The following ASMTL variants were observed in gnomAD, a reference collection of about 807,000 sequenced individuals.
The protein encoded by ASMTL is probable bifunctional dTTP/UTP pyrophosphatase/methyltransferase protein.
ASMTL carries 57 observed loss-of-function variants against 60.3 expected under a neutral mutation model. The ratio of observed to expected loss-of-function variants is 0.95; its 90% CI spans 0.76 to 1.18. ASMTL has a LOEUF of 1.18. ASMTL is among the 50% of genes most tolerant of loss of function. The pLI is 0.00. For missense variants in ASMTL, 981 were observed against 852.6 expected (o/e 1.15, Z -1.88); for synonymous variants, 419 against 373.0 (o/e 1.12, Z -1.42).
At chrX:1,439,227 G>C (rs1378996481) in intron 2 of ASMTL, 83 bp from the exon 3 acceptor site, 2 of 1,460,018 alleles carry the variant, frequency 1.4e-6, no homozygotes, top group African/African-American at 2.8e-5. Flanking sequence ...GGGCGTGAAA[G>C]AGCACCGCAG....
chrX:1,428,778 G>GTA (rs1491126852), intron 6 of ASMTL, among the ~76,000 whole-genome samples: 1 of 146,538 alleles, frequency 6.8e-6, no homozygotes, highest in Non-Finnish European at 1.5e-5. Flanking sequence ...GTGTGTGTGT[G>GTA]GGGAGAAGAC....
At chrX:1,432,698 A>G (rs868380798) in intron 5 of ASMTL, among the ~76,000 whole-genome samples, 3 of 83,816 alleles carry the variant, frequency 3.6e-5, no homozygotes, top group African/African-American at 4.8e-5. Context: ...GCCTGGTAGT[A>G]GGTGCCTGTA....
In ASMTL at chrX:1,452,781, G is replaced by T. The variant is rs753225422; in HGVS notation, c.60C>A (p.Ala20=). 6.3e-7 allele frequency: 1 copy of T among 1,596,846 alleles called. No individual in the cohort carries two copies. The change falls in exon 1 of 13, where the codon GCC becomes GCA. Residue 20 remains alanine, a synonymous_variant. Coordinates refer to ENST00000381317, the MANE Select transcript of ASMTL (RefSeq NM_004192.4). ...LLHKRVVLAS[A]SPRRQEILSN... is the part of the protein sequence containing the mutation. ...TGAGGATCTCCTGACGGCGTGGGGA[G>T]GCGCTGGCCAGCACCACGCGCTTGT...
Position 1,452,609 on chromosome X carries a change from G to A in ASMTL, c.93+139C>T, listed in dbSNP as rs2091425374. 1.0e-5 allele frequency: 7 copies of A among 679,890 alleles called. No homozygotes were observed. The Admixed American group carries it at 1.8e-4, about 18-fold the overall frequency. The allele number at this position is 679,890 out of a possible 1,614,324, so 42.1% of individuals were successfully genotyped here. A position where few individuals can be genotyped will look rare whatever the true frequency, so the allele number is the denominator to read the frequency against. On this transcript the variant is annotated intron_variant, in intron 1 of 12. Coordinates refer to ENST00000381317, the MANE Select transcript of ASMTL (RefSeq NM_004192.4). ...CCCAACCCTATCCCTGGAGGTCCCG[G>A]GACACTCTCCCCTCCCCCATCCCTA...
chrX:1,433,162 C>T (rs1391668427), intron 5 of ASMTL, among the ~76,000 whole-genome samples: 2 of 152,046 alleles, frequency 1.3e-5, no homozygotes, highest in African/African-American at 2.4e-5. Flanking sequence ...CACAGAGCCC[C>T]TGAATCCCGG....
chrX:1,417,938 A>G, intron 11 of ASMTL, 35 bp downstream of exon 11: 2 of 1,573,114 alleles, frequency 1.3e-6, no homozygotes, highest in Non-Finnish European at 1.7e-6. Context: ...TGCAGTCTGG[A>G]AAAGGTTAGC....
intron 1 of ASMTL, among the ~76,000 whole-genome samples, chrX:1,449,651 T>A: frequency 6.7e-6 from 1 of 148,332 alleles, no homozygotes. Flanking sequence ...CACCAGTAAC[T>A]ACCCCCCATC....
At chrX:1,429,930 T>C (rs1325107891) in intron 6 of ASMTL, among the ~76,000 whole-genome samples, 1 of 152,118 alleles carries the variant, frequency 6.6e-6, no homozygotes, top group Non-Finnish European at 1.5e-5. Flanking sequence ...TCAGATGTAG[T>C]GTGCTGGCAA....
intron 3 of ASMTL, among the ~76,000 whole-genome samples, chrX:1,436,493 C>A: frequency 1.3e-5 from 2 of 152,196 alleles, no homozygotes; most frequent in Non-Finnish European, 1.5e-5. Context: ...GCTGGGACTA[C>A]AGGCGCCCGC....
chrX:1,433,076 C>G (rs184402913), intron 5 of ASMTL, among the ~76,000 whole-genome samples: 2 of 151,882 alleles, frequency 1.3e-5, no homozygotes, highest in African/African-American at 4.8e-5. Context: ...GCAGCCTGGG[C>G]GACAGAGCGA....
intron 6 of ASMTL, among the ~76,000 whole-genome samples, chrX:1,429,017 C>T (rs1355153141): frequency 1.3e-5 from 2 of 151,694 alleles, no homozygotes; most frequent in East Asian, 3.9e-4. Context: ...CTGCCTCAGC[C>T]TCCCGGGTAG....
chrX:1,451,578 T>C (rs1326475934), intron 1 of ASMTL, among the ~76,000 whole-genome samples: 1 of 133,056 alleles, frequency 7.5e-6, no homozygotes, highest in Non-Finnish European at 1.6e-5. Flanking sequence ...TAGGGGGTTC[T>C]GGGTCACTCC....
chrX:1,438,975 G>T, intron 3 of ASMTL, 122 bp downstream of exon 3: 1 of 1,113,034 alleles, frequency 9.0e-7, no homozygotes, highest in Non-Finnish European at 1.3e-6. Context: ...TGTGATGGGA[G>T]TTTCTGGAAG....
At chrX:1,453,031 TC>T (rs1287240488), upstream of ASMTL, 1,171 of 516,696 alleles carry the variant, frequency 2.3e-3, 11 homozygotes, top group African/African-American at 0.039. Context: ...AGGCCACGCC[TC>T]CATTGAACAC....
chrX:1,407,884 CAGAG>C (rs1162382386), intron 12 of ASMTL, among the ~76,000 whole-genome samples: 7 of 150,804 alleles, frequency 4.6e-5, no homozygotes, highest in African/African-American at 1.2e-4. Context: ...GAGGAGGAGA[CAGAG>C]AGGAAGAGGG....
intron 6 of ASMTL, chrX:1,428,322 CAAAAA>C (rs61684472): frequency 1.9e-4 from 26 of 136,864 alleles, no homozygotes; most frequent in Non-Finnish European, 3.6e-4. Context: ...TTTGGCATCT[CAAAAA>C]AAAAAAAAAA....
In ASMTL at chrX:1,412,813, C is replaced by T. The variant is rs187257264; in HGVS notation, c.1564G>A (p.Val522Ile). The change falls in exon 12 of 13, where the codon GTC becomes ATC. Residue 522 changes from valine (V) to isoleucine (I), a missense_variant. Coordinates refer to ENST00000381317, the MANE Select transcript of ASMTL (RefSeq NM_004192.4). Reference sequence around the variant, plus strand: ...CAGTCATGCAGGATCCGGCACAGGACGTACAGCTCAGCGCTGGGGAGGGGG... The same window carrying T: ...CAGTCATGCAGGATCCGGCACAGGATGTACAGCTCAGCGCTGGGGAGGGGG... ...RDPLPSAELY[V>I]LCRILHDWPD... is the part of the protein sequence containing the mutation. 8.3e-5 allele frequency: 134 copies of T among 1,613,962 alleles called. No individual in the cohort carries two copies. The highest frequency in any genetic ancestry group is 3.5e-4 in the Admixed American group (21 of 60,012).
rs763828021 is a variant in ASMTL at position 1,437,432 on chromosome X, G to T, written c.273+1665C>A. The stretch of plus-strand genomic sequence containing the variant: ...AAGTCTGAGATCCAGGTGTGGGCAG[G>T]GCTGGTTCCTCCTGAGGCCTCTCTC... On this transcript the variant is annotated intron_variant, in intron 3 of 12. Transcript: ENST00000381317. Among the ~76,000 whole-genome samples, 27 of 149,958 alleles carry T rather than the reference G, an allele frequency of 1.8e-4. No individual in the cohort carries two copies. In the South Asian group the frequency reaches 4.2e-3, roughly 23 times the overall value.
At chrX:1,431,160 T>G (rs1375137458) in intron 6 of ASMTL, among the ~76,000 whole-genome samples, 1 of 123,616 alleles carries the variant, frequency 8.1e-6, no homozygotes, top group African/African-American at 3.3e-5. Context: ...ATATATAATT[T>G]ATATTTATAT....
Sources: allele counts gnomAD v4.1 joint callset (sites outside exome capture counted in the v4.1 genomes callset), GRCh38; gene constraint gnomAD v4.1.1; transcripts MANE v1.5; gene names NCBI Gene and HGNC (gene_info 2026-07-23, HGNC 2026-07-21).